RRP36: variants seen among roughly 807,000 people sequenced by gnomAD.
The protein encoded by RRP36 is ribosomal RNA processing 36.
In RRP36, 44 loss-of-function variants were observed where a neutral mutation model predicts 39.8. The observed-to-expected ratio is 1.10, with a 90% CI of 0.87 to 1.42. RRP36 has a LOEUF of 1.42. Among genes scored for constraint, RRP36 ranks in the 40% most tolerant of loss-of-function variants. The pLI is 0.00. For missense variants in RRP36, 316 were observed against 322.4 expected, an observed-to-expected ratio of 0.98 and a Z score of 0.15; for synonymous variants, 124 against 123.1, an observed-to-expected ratio of 1.01 and a Z score of -0.05.
intron 1 of RRP36, among the ~76,000 whole-genome samples, chr6:43,024,460 G>T (rs1446697771): frequency 6.6e-6 from 1 of 152,186 alleles, no homozygotes; most frequent in Non-Finnish European, 1.5e-5. Context: ...GGGGACTTTT[G>T]CCTGTAGGAG....
In RRP36 at chr6:43,021,791, G is replaced by A; in HGVS notation, c.130+7G>A. On this transcript the variant is annotated splice_region_variant and intron_variant, in intron 1 of 6. Transcript: ENST00000244496. ...GCCCGCGACCTATTGAGGGGTGAGGGCATGGGGCAGGGCGGGCTGGGGAGG... is the reference window on the plus strand; with the variant it reads ...GCCCGCGACCTATTGAGGGGTGAGGACATGGGGCAGGGCGGGCTGGGGAGG... 1 of 953,088 alleles carries A rather than the reference G, an allele frequency of 1.0e-6. No individual in the cohort carries two copies. Among genetic ancestry groups the A allele is most frequent in the Non-Finnish European group, 1.3e-6 (1 of 749,436 alleles). The allele number at this position is 953,088 out of a possible 1,614,324, so 59.0% of individuals were successfully genotyped here. A position where few individuals can be genotyped will look rare whatever the true frequency, so the allele number is the denominator to read the frequency against.
intron 3 of RRP36, among the ~76,000 whole-genome samples, chr6:43,025,727 T>A (rs372259620): frequency 1.3e-3 from 200 of 151,176 alleles, no homozygotes; most frequent in African/African-American, 3.5e-3. Flanking sequence ...GTCAGGAGAT[T>A]GAGACCATCC....
intron 5 of RRP36, 36 bp downstream of exon 5, chr6:43,027,288 A>T (rs768803618): frequency 3.7e-6 from 6 of 1,612,804 alleles, no homozygotes; most frequent in Non-Finnish European, 5.1e-6. Context: ...TAATGAAAGC[A>T]ATTAAAGGTG....
At chr6:43,028,012 G>C (rs967510801) in intron 6 of RRP36, among the ~76,000 whole-genome samples, 6 of 152,156 alleles carry the variant, frequency 3.9e-5, no homozygotes, top group Non-Finnish European at 8.8e-5. Flanking sequence ...GTTGAATTGA[G>C]TAGTACTGAG....
Position 43,025,411 on chromosome 6 carries a change from C to G in RRP36, c.345+82C>G, listed in dbSNP as rs1016750056. On this transcript the variant is annotated intron_variant, in intron 3 of 6. Transcript: ENST00000244496. ...CCCGAGGTGGGCGATCACCTGAGAT[C>G]AGGAGTTCCAAGACCAGCATGGCCA... 4.0e-6 allele frequency: 5 copies of G among 1,249,478 alleles called. No individual in the cohort carries two copies. The African/African-American group carries it at 4.5e-5, about 11-fold the overall frequency. 77.4% of individuals were successfully genotyped at this position (1,249,478 alleles called of 1,614,324 possible). A position where few individuals can be genotyped will look rare whatever the true frequency, so the allele number is the denominator to read the frequency against.
In RRP36 at chr6:43,025,341, G is replaced by A. The variant is rs565690573; in HGVS notation, c.345+12G>A. On this transcript the variant is annotated intron_variant, in intron 3 of 6. Coordinates refer to ENST00000244496, the MANE Select transcript of RRP36 (RefSeq NM_033112.4). The stretch of plus-strand genomic sequence containing the variant: ...CCATTAGTAAAAAGGTAAGGAAGAA[G>A]GCCAGGCACTGTGGCTCACGCCTGT... 2 of 1,612,318 alleles carry A rather than the reference G, an allele frequency of 1.2e-6. No individual in the cohort carries two copies. The highest frequency in any genetic ancestry group is 2.2e-5 in the East Asian group (1 of 44,886).
chr6:43,023,872 T>C (rs914754108), intron 1 of RRP36, among the ~76,000 whole-genome samples: 20 of 151,086 alleles, frequency 1.3e-4, no homozygotes, highest in Middle Eastern at 3.4e-3. Context: ...TTTTTTTTTT[T>C]CCGAGATGGA....
At chr6:43,023,658 C>T (rs1279574983) in intron 1 of RRP36, among the ~76,000 whole-genome samples, 5 of 151,980 alleles carry the variant, frequency 3.3e-5, no homozygotes, top group Admixed American at 3.3e-4. Context: ...CGCCACTGCA[C>T]TCCAGCCTCG....
intron 1 of RRP36, 96 bp downstream of exon 1, chr6:43,021,880 C>A (rs997355285): frequency 1.1e-6 from 1 of 945,772 alleles, no homozygotes; most frequent in South Asian, 5.4e-5. Context: ...CTGCCAAGTT[C>A]TCTAAGAGGC....
In RRP36 at chr6:43,029,382, C is replaced by T. The variant is rs761845940; in HGVS notation, c.*154C>T. 10 of 773,850 alleles carry T rather than the reference C, an allele frequency of 1.3e-5. No homozygotes were observed. The highest frequency in any genetic ancestry group is 1.8e-5 in the Non-Finnish European group (9 of 496,326). 47.9% of individuals were successfully genotyped at this position (773,850 alleles called of 1,614,324 possible). A position where few individuals can be genotyped will look rare whatever the true frequency, so the allele number is the denominator to read the frequency against. ...AGACTAGAGGGCTCTTGGACTATCCCTAGGGCTACACAAGAATAGTTCAGC... is the reference window on the plus strand; with the variant it reads ...AGACTAGAGGGCTCTTGGACTATCCTTAGGGCTACACAAGAATAGTTCAGC... On this transcript the variant is annotated 3_prime_UTR_variant, in exon 7 of 7. Transcript: ENST00000244496.
At chr6:43,027,571 A>C (rs1762836966) in intron 6 of RRP36, 94 bp downstream of exon 6, 2 of 963,508 alleles carry the variant, frequency 2.1e-6, no homozygotes, top group Admixed American at 2.2e-5. Context: ...CCCTTTAAGG[A>C]AGGCATGAAG....
At chr6:43,026,395 T>A (rs143054288) in intron 4 of RRP36, among the ~76,000 whole-genome samples, 86 of 151,868 alleles carry the variant, frequency 5.7e-4, no homozygotes, top group South Asian at 1.5e-3. Flanking sequence ...AGGCCGGGTG[T>A]GGTGGCTCAC....
intron 1 of RRP36, 115 bp from the exon 2 acceptor site, chr6:43,024,870 A>G: frequency 8.0e-7 from 1 of 1,255,874 alleles, no homozygotes; most frequent in Non-Finnish European, 1.1e-6. Flanking sequence ...ACTTCTAATA[A>G]TGATTGGTCT....
chr6:43,027,284 A>C, intron 5 of RRP36, 32 bp downstream of exon 5: 1 of 1,612,446 alleles, frequency 6.2e-7, no homozygotes, highest in Non-Finnish European at 8.5e-7. Context: ...TGGGTAATGA[A>C]AGCAATTAAA....
intron 6 of RRP36, 50 bp downstream of exon 6, chr6:43,027,527 G>A (rs775369129): frequency 6.1e-6 from 9 of 1,466,354 alleles, no homozygotes; most frequent in Non-Finnish European, 2.8e-6. Context: ...CAGGGGCCAT[G>A]GTGGTAGAGT....
At position 43,027,413 on chromosome 6, in the gene RRP36, G is replaced by A. The variant is rs777893250; in HGVS notation, c.579G>A (p.Leu193=). The stretch of plus-strand genomic sequence containing the variant: ...GAAAGCAACAGCAGGAGCTGCACCT[G>A]GCCCTGAAGCAAGAACGTCGGGCTC... ...QERKQQQELH[L]ALKQERRAQA... The change falls in exon 6 of 7, where the codon CTG becomes CTA. Residue 193 remains leucine (L), a synonymous_variant. Coordinates refer to ENST00000244496, the MANE Select transcript of RRP36 (RefSeq NM_033112.4). The A allele has an allele frequency of 8.2e-5, 132 of 1,614,116 alleles. No individual in the cohort carries two copies. Among genetic ancestry groups the A allele is most frequent in the Non-Finnish European group, 1.0e-4 (123 of 1,180,056 alleles).
At chr6:43,027,599 C>G in intron 6 of RRP36, 122 bp downstream of exon 6, 1 of 783,174 alleles carries the variant, frequency 1.3e-6, no homozygotes, top group South Asian at 1.7e-5. Context: ...CCCATGGTAA[C>G]TTGGAGGAAA....
chr6:43,026,133 G>C lies in RRP36; in HGVS notation c.442G>C (p.Glu148Gln), dbSNP rs754559538. 5.6e-6 allele frequency: 9 copies of C among 1,612,218 alleles called. No homozygotes were observed. The highest frequency in any genetic ancestry group is 3.3e-5 in the South Asian group (3 of 91,044). Residue 148 changes from glutamate (E) to glutamine (Q), a missense_variant, in exon 4 of 7, where the codon GAG becomes CAG. Glu to Gln is a conservative substitution (Grantham distance 29). Coordinates refer to ENST00000244496, the MANE Select transcript of RRP36 (RefSeq NM_033112.4). ...ATTCTTGAATGACATCCGAGCGAAA[G>C]AGAAAGAGGTATACAGCTTGAGACT... is the stretch of plus-strand genomic sequence containing the variant. Reference protein sequence around the residue: ...YQFLNDIRAKEKELVKKQLKK... With the variant: ...YQFLNDIRAKQKELVKKQLKK...
At chr6:43,025,437 A>G (rs530703557) in intron 3 of RRP36, 108 bp downstream of exon 3, 15 of 910,216 alleles carry the variant, frequency 1.6e-5, no homozygotes, top group Admixed American at 4.1e-5. Context: ...AGCATGGCCA[A>G]CATGGTGAAA....
Sources: gnomAD v4.1 joint callset for allele counts (sites outside exome capture counted in the v4.1 genomes callset) on GRCh38, gnomAD v4.1.1 for gene constraint, MANE v1.5 for transcripts, NCBI Gene and HGNC (gene_info 2026-07-23, HGNC 2026-07-21) for gene names.